The following MEI4 variants were observed in gnomAD, a reference collection of about 807,000 sequenced individuals.
MEI4 encodes the protein meiosis-specific protein MEI4.
MEI4 carries 27 observed loss-of-function variants against 31.4 expected under a neutral mutation model. That is an observed-to-expected ratio of 0.86 (90% confidence interval 0.63 to 1.19). MEI4 has a LOEUF of 1.19. Ranked by LOEUF, MEI4 falls within the 50% of genes most tolerant of loss-of-function variation. MEI4 has a pLI of 0.00. For synonymous variants in MEI4, 122 were observed against 145.4 expected (o/e 0.84, Z 1.16); for missense variants, 329 against 398.9 (o/e 0.82, Z 1.49).
At chr6:77,701,627 ATATT>A (rs1382241037) in intron 2 of MEI4, among the ~76,000 whole-genome samples, 1 of 151,838 alleles carries the variant, frequency 6.6e-6, no homozygotes, top group African/African-American at 2.4e-5. Flanking sequence ...ATATAACAAT[ATATT>A]TATGAATATA....
intron 4 of MEI4, among the ~76,000 whole-genome samples, chr6:77,917,212 A>G (rs1014935425): frequency 1.5e-4 from 23 of 151,928 alleles, no homozygotes; most frequent in African/African-American, 4.8e-4. Context: ...GCTATTGTGA[A>G]TAATGCCGCA....
intron 2 of MEI4, among the ~76,000 whole-genome samples, chr6:77,741,175 A>G (rs1178250079): frequency 1.3e-5 from 2 of 152,178 alleles, no homozygotes; most frequent in Admixed American, 6.6e-5. Context: ...GTTTTGGTGA[A>G]CTGTCAGGAA....
chr6:77,863,250 T>G (rs1770917824), intron 4 of MEI4, among the ~76,000 whole-genome samples: 1 of 151,880 alleles, frequency 6.6e-6, no homozygotes. Context: ...CTTTGATGAG[T>G]TTAGAGAAGA....
intron 4 of MEI4, among the ~76,000 whole-genome samples, chr6:77,913,873 A>C (rs1766484524): frequency 6.6e-6 from 1 of 151,700 alleles, no homozygotes; most frequent in South Asian, 2.1e-4. Context: ...CTCTACTAAA[A>C]ATACAAAAAA....
At chr6:77,682,519 A>T (rs2127649640) in intron 1 of MEI4, among the ~76,000 whole-genome samples, 1 of 152,324 alleles carries the variant, frequency 6.6e-6, no homozygotes, top group East Asian at 1.9e-4. Context: ...AGAGAGACAG[A>T]TGTGACCTTT....
At chr6:77,859,742 T>A (rs944868398) in intron 4 of MEI4, among the ~76,000 whole-genome samples, 7 of 152,166 alleles carry the variant, frequency 4.6e-5, no homozygotes, top group Admixed American at 4.6e-4. Flanking sequence ...GGAAAAAGAA[T>A]CTCTTGATGT....
At chr6:77,727,383 GGACTAT>G (rs1766854709) in intron 2 of MEI4, among the ~76,000 whole-genome samples, 1 of 152,128 alleles carries the variant, frequency 6.6e-6, no homozygotes, top group Non-Finnish European at 1.5e-5. Flanking sequence ...ATGTATCCTA[GGACTAT>G]GAGATTATTT....
intron 4 of MEI4, among the ~76,000 whole-genome samples, chr6:77,843,955 G>C (rs962796873): frequency 6.6e-6 from 1 of 151,998 alleles, no homozygotes; most frequent in Non-Finnish European, 1.5e-5. Flanking sequence ...GAGTTTAATG[G>C]GTTTGAAAAA....
intron 4 of MEI4, among the ~76,000 whole-genome samples, chr6:77,869,994 C>G (rs2127724944): frequency 1.3e-5 from 2 of 152,158 alleles, no homozygotes; most frequent in Middle Eastern, 6.8e-3. Context: ...AGAGCTCTGG[C>G]TGGACACAGA....
chr6:77,748,917 G>C (rs934515126), intron 2 of MEI4, among the ~76,000 whole-genome samples: 1 of 152,150 alleles, frequency 6.6e-6, no homozygotes, highest in Admixed American at 6.5e-5. Context: ...GAAGCTTCCA[G>C]AGAAAGGAAC....
chr6:77,881,163 T>C (rs1162691105), intron 4 of MEI4, among the ~76,000 whole-genome samples: 3 of 152,082 alleles, frequency 2.0e-5, no homozygotes, highest in African/African-American at 7.2e-5. Flanking sequence ...AGGGCACTGA[T>C]TCTCTGTGAA....
intron 4 of MEI4, among the ~76,000 whole-genome samples, chr6:77,887,243 A>ATT (rs34204849): frequency 0.071 from 9,547 of 133,570 alleles, 431 homozygotes; most frequent in Non-Finnish European, 0.11. Flanking sequence ...CATTTTGTTT[A>ATT]TTTTTTTTTT....
intron 3 of MEI4, among the ~76,000 whole-genome samples, chr6:77,803,235 C>G (rs1769322230): frequency 6.6e-6 from 1 of 152,220 alleles, no homozygotes; most frequent in African/African-American, 2.4e-5. Flanking sequence ...TCTTCCATCA[C>G]TGATACCCTT....
chr6:77,814,141 C>G (rs2127705839), intron 3 of MEI4, among the ~76,000 whole-genome samples: 1 of 152,136 alleles, frequency 6.6e-6, no homozygotes, highest in African/African-American at 2.4e-5. Flanking sequence ...CTAAGTACAT[C>G]TAACATAGGG....
At chr6:77,803,315 A>T (rs1415431046) in intron 3 of MEI4, among the ~76,000 whole-genome samples, 1 of 152,150 alleles carries the variant, frequency 6.6e-6, no homozygotes, top group African/African-American at 2.4e-5. Flanking sequence ...CATGGTTTTC[A>T]GCTCCATCAG....
chr6:77,710,539 A>AAAT (rs1554152925), intron 2 of MEI4, among the ~76,000 whole-genome samples: 2 of 120,744 alleles, frequency 1.7e-5, no homozygotes, highest in Non-Finnish European at 1.7e-5. Context: ...AAAAAAAAAA[A>AAAT]AAAGAAAAGG....
At chr6:77,813,244 A>G (rs1257041607) in intron 3 of MEI4, among the ~76,000 whole-genome samples, 2 of 152,144 alleles carry the variant, frequency 1.3e-5, no homozygotes, top group Admixed American at 6.6e-5. Flanking sequence ...TTTATTGCTT[A>G]GTAGTTTGTT....
intron 4 of MEI4, among the ~76,000 whole-genome samples, chr6:77,871,711 T>C (rs1010329849): frequency 1.3e-5 from 2 of 152,034 alleles, no homozygotes; most frequent in African/African-American, 4.8e-5. Flanking sequence ...GTTGAAATTA[T>C]TTTTAAAAAA....
intron 3 of MEI4, among the ~76,000 whole-genome samples, chr6:77,775,063 C>G (rs1768404573): frequency 6.6e-6 from 1 of 152,078 alleles, no homozygotes; most frequent in African/African-American, 2.4e-5. Flanking sequence ...CACCATTTGT[C>G]TAATATCTCT....
Sources: allele counts gnomAD v4.1 joint callset (sites outside exome capture counted in the v4.1 genomes callset), GRCh38; gene constraint gnomAD v4.1.1; transcripts MANE v1.5; gene names NCBI Gene and HGNC (gene_info 2026-07-23, HGNC 2026-07-21).